Variants in NOTCH4 observed in about 807,000 individuals in gnomAD.
NOTCH4 encodes notch receptor 4, also known as neurogenic locus notch homolog protein 4.
In NOTCH4, 138 loss-of-function variants were observed where a neutral mutation model predicts 189.0. The observed-to-expected ratio is 0.73, with a 90% confidence interval of 0.64 to 0.84. The LOEUF (loss-of-function observed/expected upper bound fraction) is 0.84. Among genes scored for constraint, NOTCH4 ranks in the 40% least tolerant of loss-of-function variants. The pLI, the probability that NOTCH4 is intolerant of heterozygous loss-of-function variation, is 0.00. For missense variants in NOTCH4, 2,286 were observed against 2,605.4 expected (o/e 0.88, Z 2.67); for synonymous variants, 942 against 1,032.8 (o/e 0.91, Z 1.69).
At position 32,210,998 on chromosome 6, in the gene NOTCH4, C is replaced by T. The variant is rs1184781079; in HGVS notation, c.2681-62G>A. The T allele has an allele frequency of 1.3e-5, 19 of 1,449,538 alleles. No individual in the cohort carries two copies. The highest frequency in any genetic ancestry group is 9.9e-5 in the African/African-American group (7 of 70,556). 89.8% of individuals were successfully genotyped at this position (1,449,538 alleles called of 1,614,324 possible). A position where few individuals can be genotyped will look rare whatever the true frequency, so the allele number is the denominator to read the frequency against. On this transcript the variant is annotated intron_variant, in intron 17 of 29. Coordinates refer to ENST00000375023, the MANE Select transcript of NOTCH4 (RefSeq NM_004557.4). This position sits in a 1 kb window ranked among gnomAD's most constrained non-coding sequence, Gnocchi z 4.8. Reference sequence around the variant, plus strand: ...GTGGGGGGCCGGGCGCCATGGCTTACGCCTGTAATCCCAGCACTTTGGGAG... The same window carrying T: ...GTGGGGGGCCGGGCGCCATGGCTTATGCCTGTAATCCCAGCACTTTGGGAG...
chr6:32,220,141 C>T lies in NOTCH4; in HGVS notation c.1303G>A (p.Glu435Lys), dbSNP rs745574706. 1.2e-6 allele frequency: 2 copies of T among 1,613,488 alleles called. No homozygotes were observed. The highest frequency in any genetic ancestry group is 8.5e-7 in the Non-Finnish European group (1 of 1,179,972). The change falls in exon 7 of 30, where the codon GAG (glutamate) becomes AAG (lysine). Residue 435 changes from glutamate (E) to lysine (K), a missense_variant. Glu to Lys is a moderately conservative substitution (Grantham distance 56). This residue lies in a region of NOTCH4 where 1,903 missense variants were observed against 2,261.9 expected (regional missense o/e 0.84). Transcript: ENST00000375023. ...SGPTCHQDLD[E>K]CLMAQQGPSP... ...GGAGTGGCCTCACCCATCAGACACT[C>T]GTCCAGGTCCTGGTGGCAGGTGGGC...
chr6:32,210,785 G>C lies in NOTCH4; in HGVS notation c.2832C>G (p.Thr944=). The part of the protein sequence containing the change: ...CESRPCQNGA[T]CMAQPSGYLC... ...GATACCCACTGGGCTGGGCCATGCA[G>C]GTGGCCCCGTTCTGGCAAGGCCTGG... Residue 944 remains threonine (T), a synonymous_variant, in exon 18 of 30, where the codon ACC becomes ACG. Transcript: ENST00000375023. The surrounding 1 kb of genome is among the most constrained non-coding windows in gnomAD (Gnocchi z 4.8). 1 of 1,612,916 alleles carries C rather than the reference G, an allele frequency of 6.2e-7. No individual in the cohort carries two copies. The highest frequency in any genetic ancestry group is 2.2e-5 in the East Asian group (1 of 44,880).
rs1789856112 is a variant in NOTCH4, at chr6:32,222,644, G to C, written c.318C>G (p.Leu106=). 1 of 1,607,384 alleles carries C rather than the reference G, an allele frequency of 6.2e-7. No individual in the cohort carries two copies. The highest frequency in any genetic ancestry group is 1.3e-5 in the African/African-American group (1 of 74,378). Residue 106 remains leucine, a synonymous_variant, in exon 3 of 30, where the codon CTC becomes CTG. Coordinates refer to ENST00000375023, the MANE Select transcript of NOTCH4 (RefSeq NM_004557.4). ...GGCATCTCTCACCAGTGAAGCCAGG[G>C]AGGCAAGTGCACAAGAAGCTGGGTG... ...PLTPSFLCTC[L]PGFTGERCQA...
In NOTCH4 at chr6:32,197,312, C is replaced by T. The variant is rs766378003; in HGVS notation, c.5039G>A (p.Arg1680Gln). Residue 1680 changes from arginine (R) to glutamine (Q), a missense_variant, in exon 27 of 30, where the codon CGG becomes CAG. Transcript: ENST00000375023. ...GTGTGTGCTAACCTGGCAGACCTCC[C>T]GAGCATCAGCAGCCACAGCAGCATG... ...PLHAAVAADA[R>Q]EVCQLLLRSR... 6 of 1,526,298 alleles carry T rather than the reference C, an allele frequency of 3.9e-6. No individual in the cohort carries two copies. Among genetic ancestry groups the T allele is most frequent in the South Asian group, 3.8e-5 (3 of 78,186 alleles). The allele number at this position is 1,526,298 out of a possible 1,614,324, so 94.5% of individuals were successfully genotyped here.
rs1178983925 is a variant in NOTCH4 at position 32,218,105 on chromosome 6, A to G, written c.1514T>C (p.Leu505Ser). 1.2e-6 allele frequency: 2 copies of G among 1,605,422 alleles called. No homozygotes were observed. The change falls in exon 9 of 30, where the codon TTA becomes TCA. Residue 505 changes from leucine to serine, a missense_variant. Physicochemically the swap from Leu to Ser is moderately radical, Grantham distance 145. This residue lies in a region of NOTCH4 where 1,903 missense variants were observed against 2,261.9 expected (regional missense o/e 0.84). Coordinates refer to ENST00000375023, the MANE Select transcript of NOTCH4 (RefSeq NM_004557.4). Reference sequence around the variant, plus strand: ...CTCCACCTCACAGAGCTGCCCTTCTAAGCCTGGGGACATGGGGACCATGAG... The same window carrying G: ...CTCCACCTCACAGAGCTGCCCTTCTGAGCCTGGGGACATGGGGACCATGAG... ...ATFHCLCPPGLEGQLCEVETN... is the reference protein window; with the variant it reads ...ATFHCLCPPGSEGQLCEVETN...
chr6:32,223,793 C>G, intron 1 of NOTCH4, 63 bp downstream of exon 1: 6 of 1,531,720 alleles, frequency 3.9e-6, no homozygotes, highest in Non-Finnish European at 5.3e-6. Context: ...CCTCTTCCCC[C>G]ACCCCACTGA....
Position 32,210,215 on chromosome 6 carries a change from G to A in NOTCH4, c.2865+537C>T, listed in dbSNP as rs1044250965. Among the ~76,000 whole-genome samples, 2 of 152,194 alleles carry A rather than the reference G, an allele frequency of 1.3e-5. No homozygotes were observed. Among genetic ancestry groups the A allele is most frequent in the African/African-American group, 4.8e-5 (2 of 41,438 alleles). On this transcript the variant is annotated intron_variant, in intron 18 of 29. Coordinates refer to ENST00000375023, the MANE Select transcript of NOTCH4 (RefSeq NM_004557.4). The surrounding 1 kb of genome is among the most constrained non-coding windows in gnomAD (Gnocchi z 4.8). Reference sequence around the variant, plus strand: ...AGTGTCAATAGCAGGGATAAAGGCTGAGAGGCAAGAATCAGTATGGGGTAC... The same window carrying A: ...AGTGTCAATAGCAGGGATAAAGGCTAAGAGGCAAGAATCAGTATGGGGTAC...
Position 32,222,701 on chromosome 6 carries a change from G to A in NOTCH4, c.261C>T (p.Pro87=), listed in dbSNP as rs1405744691. ...GAGAGGGAGAGCTGGGGAGCCCTAGGGGAGCGGGAAGCAGGGCTTGGCAGC... is the reference window on the plus strand; with the variant it reads ...GAGAGGGAGAGCTGGGGAGCCCTAGAGGAGCGGGAAGCAGGGCTTGGCAGC... ...GGSCQALLPA[P]LGLPSSPSPL... is the part of the protein sequence containing the mutation. Residue 87 remains proline, a synonymous_variant, in exon 3 of 30, where the codon CCC becomes CCT. Transcript: ENST00000375023. The A allele has an allele frequency of 6.2e-7, 1 of 1,608,538 alleles. No individual in the cohort carries two copies. Among genetic ancestry groups the A allele is most frequent in the Non-Finnish European group, 8.5e-7 (1 of 1,178,332 alleles).
chr6:32,223,861 G>T lies in NOTCH4; in HGVS notation c.68C>A (p.Pro23His). Residue 23 changes from proline to histidine, a missense_variant, in exon 1 of 30, where the codon CCC (proline) becomes CAC (histidine). This residue lies in a region of NOTCH4 where 1,903 missense variants were observed against 2,261.9 expected (regional missense o/e 0.84). Coordinates refer to ENST00000375023, the MANE Select transcript of NOTCH4 (RefSeq NM_004557.4). ...LLLLCVSVVR[P>H]RGLLCGSFPE... ...TCACCCACGCCATGCCTCACCTCTG[G>T]GTCTGACCACTGAGACACATAGCAG... The T allele has an allele frequency of 6.2e-7, 1 of 1,606,420 alleles. No homozygotes were observed.
Position 32,195,860 on chromosome 6 carries a change from C to T in NOTCH4, c.5589G>A (p.Thr1863=), listed in dbSNP as rs1284181362. The T allele has an allele frequency of 1.3e-6, 2 of 1,595,282 alleles. No individual in the cohort carries two copies. Residue 1863 remains threonine, a synonymous_variant, in exon 30 of 30, where the codon ACG becomes ACA. Transcript: ENST00000375023. This position sits in a 1 kb window ranked among gnomAD's most constrained non-coding sequence, Gnocchi z 5.4. ...CACGAGGGCCTGCTCCGGCTGACAG[C>T]GTCCGGCAGCGCGGCAGAGCCCCGC... ...HGGGALPRCR[T]LSAGAGPRGG...
Position 32,198,968 on chromosome 6 carries a change from TG to T in NOTCH4, c.4492del (p.His1498ThrfsTer7). The T allele has an allele frequency of 1.2e-6, 2 of 1,605,450 alleles. No homozygotes were observed. Among genetic ancestry groups the T allele is most frequent in the Non-Finnish European group, 1.7e-6 (2 of 1,175,462 alleles). ...CTCGCCTAGTGGGGGCCGGCGTCGG[TG>T]GGGAGCTGACTGAGTCCGAGGCCGT... ...TRRPRTQSAP[H>X]RRRPPLGEDS... is the part of the protein sequence containing the mutation. On this transcript the variant is annotated frameshift_variant, in exon 24 of 30. Coordinates refer to ENST00000375023, the MANE Select transcript of NOTCH4 (RefSeq NM_004557.4). LOFTEE classifies it high-confidence loss of function. This position sits in a 1 kb window ranked among gnomAD's most constrained non-coding sequence, Gnocchi z 5.5.
intron 8 of NOTCH4, among the ~76,000 whole-genome samples, chr6:32,219,054 G>A (rs573973613): frequency 6.6e-6 from 1 of 152,236 alleles, no homozygotes; most frequent in South Asian, 2.1e-4. Flanking sequence ...CTTGATGTTG[G>A]CTCTGTTGCT....
At chr6:32,197,278 G>A in intron 27 of NOTCH4, 21 bp downstream of exon 27, 1 of 1,518,602 alleles carries the variant, frequency 6.6e-7, no homozygotes, top group Non-Finnish European at 8.8e-7. Context: ...ATTCCCTGTA[G>A]GGACCTCAGT....
intron 11 of NOTCH4, chr6:32,216,011 C>G (rs556261115): frequency 1.3e-5 from 2 of 149,922 alleles, no homozygotes. Context: ...CCCGCCACCA[C>G]GCCTGGCTAA....
intron 17 of NOTCH4, among the ~76,000 whole-genome samples, chr6:32,211,717 C>T (rs2555469): frequency 2.0e-5 from 3 of 152,108 alleles, no homozygotes; most frequent in African/African-American, 4.8e-5. Flanking sequence ...TTGGGGACCA[C>T]TAACATTCCT....
chr6:32,207,669 C>CT (rs1788772907), intron 18 of NOTCH4, among the ~76,000 whole-genome samples: 1 of 149,022 alleles, frequency 6.7e-6, no homozygotes, highest in African/African-American at 2.5e-5. Flanking sequence ...AACTAAATCT[C>CT]TATCTGTCAT....
rs200509906 is a variant in NOTCH4 at position 32,198,496 on chromosome 6, G to A, written c.4681C>T (p.Leu1561Phe). The A allele has an allele frequency of 1.4e-4, 232 of 1,612,812 alleles. No individual in the cohort carries two copies. The highest frequency in any genetic ancestry group is 1.9e-4 in the Non-Finnish European group (221 of 1,179,986). The stretch of plus-strand genomic sequence containing the variant: ...GGAGTTAGCATGGCTGCCTGAGGGA[G>A]CGCCCCACAGCCACCACTCAGAGAC... Reference protein sequence around the residue: ...LWSLSGGCGALPQAAMLTPPQ... With the variant: ...LWSLSGGCGAFPQAAMLTPPQ... The change falls in exon 26 of 30, where the codon CTC becomes TTC. Residue 1561 changes from leucine to phenylalanine, a missense_variant. Physicochemically the swap from Leu to Phe is conservative, Grantham distance 22. Coordinates refer to ENST00000375023, the MANE Select transcript of NOTCH4 (RefSeq NM_004557.4). This position sits in a 1 kb window ranked among gnomAD's most constrained non-coding sequence, Gnocchi z 5.5.
chr6:32,214,484 T>TATATATATATATAGATAC (rs28383875), intron 12 of NOTCH4, among the ~76,000 whole-genome samples: 1 of 141,176 alleles, frequency 7.1e-6, no homozygotes, highest in African/African-American at 2.8e-5. Flanking sequence ...TATATATATA[T>TATATATATATATAGATAC]ACACACATAT....
intron 19 of NOTCH4, 40 bp from the exon 20 acceptor site, chr6:32,203,922 A>C: frequency 6.6e-7 from 1 of 1,514,266 alleles, no homozygotes; most frequent in Non-Finnish European, 9.0e-7. Flanking sequence ...ACACTGCATC[A>C]GTCACTGCCT....
Sources: allele counts gnomAD v4.1 joint callset (sites outside exome capture counted in the v4.1 genomes callset), GRCh38; gene constraint gnomAD v4.1.1; regional missense constraint gnomAD v4.1.1; non-coding constraint Gnocchi (gnomAD v3.1); transcripts MANE v1.5; gene names NCBI Gene and HGNC (gene_info 2026-07-23, HGNC 2026-07-21).